Variants in OSBPL10 observed in about 807,000 individuals in gnomAD.
OSBPL10 encodes oxysterol binding protein like 10.
OSBPL10 carries 49 observed loss-of-function variants against 81.7 expected under a neutral mutation model. The observed-to-expected ratio is 0.60, with a 90% CI of 0.48 to 0.76. The LOEUF (loss-of-function observed/expected upper bound fraction) is 0.76. Among genes scored for constraint, OSBPL10 ranks in the 30% least tolerant of loss-of-function variants. OSBPL10 has a pLI of 0.00. For missense variants in OSBPL10, 923 were observed against 987.8 expected (o/e 0.93, Z 0.88); for synonymous variants, 419 against 383.6 (o/e 1.09, Z -1.08).
chr3:31,741,463 C>A (rs144104015), intron 5 of OSBPL10, among the ~76,000 whole-genome samples: 130 of 152,280 alleles, frequency 8.5e-4, no homozygotes, highest in African/African-American at 2.9e-3. Flanking sequence ...CAGAGTTCCA[C>A]CATGTTGGCC....
At chr3:31,918,513 G>A (rs575560888) in intron 1 of OSBPL10, among the ~76,000 whole-genome samples, 2 of 151,950 alleles carry the variant, frequency 1.3e-5, no homozygotes, top group South Asian at 4.2e-4. Flanking sequence ...GTTTGGAATG[G>A]AAAATCACCT....
intron 1 of OSBPL10, among the ~76,000 whole-genome samples, chr3:32,052,645 C>T (rs1193216983): frequency 6.6e-6 from 1 of 152,092 alleles, no homozygotes; most frequent in Non-Finnish European, 1.5e-5. Flanking sequence ...GAGTTCATGC[C>T]CTTTGCAGGG....
At chr3:31,975,429 T>A (rs1306902469) in intron 1 of OSBPL10, among the ~76,000 whole-genome samples, 2 of 152,176 alleles carry the variant, frequency 1.3e-5, no homozygotes, top group Non-Finnish European at 2.9e-5. Flanking sequence ...GCTTTAAAAA[T>A]TCATATATAC....
chr3:31,748,027 G>A lies in OSBPL10; in HGVS notation c.823C>T (p.Leu275=), dbSNP rs1697584954. The A allele has an allele frequency of 1.2e-6, 2 of 1,614,168 alleles. No homozygotes were observed. Among genetic ancestry groups the A allele is most frequent in the Non-Finnish European group, 1.7e-6 (2 of 1,180,028 alleles). Residue 275 remains leucine, a synonymous_variant, in exon 5 of 12, where the codon CTG becomes TTG. Coordinates refer to ENST00000396556, the MANE Select transcript of OSBPL10 (RefSeq NM_017784.5). The part of the protein sequence containing the change: ...SGPLTALDQD[L]LLLKATSAAT... Reference sequence around the variant, plus strand: ...GCAGAGGTAGCTTTCAGGAGCAGCAGGTCCTGGTCCAAGGCAGTGAGGGGG... The same window carrying A: ...GCAGAGGTAGCTTTCAGGAGCAGCAAGTCCTGGTCCAAGGCAGTGAGGGGG...
intron 7 of OSBPL10, among the ~76,000 whole-genome samples, chr3:31,688,283 TCACACACACACACACACACA>T (rs55643097): frequency 8.7e-6 from 1 of 115,408 alleles, no homozygotes; most frequent in Non-Finnish European, 1.8e-5. Flanking sequence ...TCTCTCTCTC[TCACACACACACACACACACA>T]CACACACACA....
intron 4 of OSBPL10, among the ~76,000 whole-genome samples, chr3:31,812,718 A>AAAAAAAAGAAAG (rs1699714823): frequency 4.3e-4 from 18 of 41,932 alleles, no homozygotes; most frequent in Admixed American, 8.9e-4. Context: ...TAGGCAAAAA[A>AAAAAAAAGAAAG]AAAGAAAGAA....
intron 4 of OSBPL10, among the ~76,000 whole-genome samples, chr3:31,829,139 G>A (rs1033647058): frequency 1.3e-5 from 2 of 152,110 alleles, no homozygotes; most frequent in Non-Finnish European, 2.9e-5. Flanking sequence ...GACCCTAGTC[G>A]AGGAGTCTCA....
At chr3:31,816,906 C>T (rs1290822761) in intron 4 of OSBPL10, among the ~76,000 whole-genome samples, 1 of 152,054 alleles carries the variant, frequency 6.6e-6, no homozygotes, top group Non-Finnish European at 1.5e-5. Context: ...GAGAATAGCT[C>T]CTCTCTGCAA....
Position 31,833,705 on chromosome 3 carries a change from G to GCACACACACACACA in OSBPL10, c.538-3488_538-3475dup, listed in dbSNP as rs10591808. 7.5e-4 allele frequency among the ~76,000 whole-genome samples: 104 copies of GCACACACACACACA among 138,036 alleles called. 1 individual carries two copies. In the East Asian group the frequency reaches 0.013, roughly 18 times the overall value. 90.6% of individuals were successfully genotyped at this position (138,036 alleles called of 152,430 possible). A position where few individuals can be genotyped will look rare whatever the true frequency, so the allele number is the denominator to read the frequency against. On this transcript the variant is annotated intron_variant, in intron 3 of 11. Coordinates refer to ENST00000396556, the MANE Select transcript of OSBPL10 (RefSeq NM_017784.5). ...GTAGGGAAAACACGCACACGCACAC[G>GCACACACACACACA]CACACACACACACACACACACACAC...
intron 3 of OSBPL10, among the ~76,000 whole-genome samples, chr3:31,831,559 G>C (rs1367269158): frequency 6.6e-6 from 1 of 152,036 alleles, no homozygotes; most frequent in Non-Finnish European, 1.5e-5. Flanking sequence ...TGTAGAGCTG[G>C]AAATAATTAT....
At chr3:31,734,076 C>T (rs1332342717) in intron 5 of OSBPL10, among the ~76,000 whole-genome samples, 2 of 152,016 alleles carry the variant, frequency 1.3e-5, no homozygotes, top group Non-Finnish European at 2.9e-5. Context: ...ATAGGCTGCT[C>T]AAAATGTGGT....
chr3:31,805,167 CA>C (rs1699490245), intron 4 of OSBPL10, among the ~76,000 whole-genome samples: 1 of 152,148 alleles, frequency 6.6e-6, no homozygotes, highest in South Asian at 2.1e-4. Context: ...CAAGCTTTTT[CA>C]CGGAAGGTAT....
intron 1 of OSBPL10, among the ~76,000 whole-genome samples, chr3:31,899,214 T>C (rs749599170): frequency 2.0e-4 from 30 of 152,110 alleles, no homozygotes; most frequent in Admixed American, 3.3e-4. Context: ...AGTGCTAGGA[T>C]TACAGGCGTA....
rs541667987 is a variant in OSBPL10, at chr3:31,989,872, A to G, written n.298+56619T>C. The G allele has an allele frequency of 1.5e-5, 24 of 1,614,184 alleles. 2 individuals are homozygous for G. The South Asian group carries it at 2.6e-4, about 18-fold the overall frequency. Reference sequence around the variant, plus strand: ...ACAATATAAATGTGATGTATGTGGCAAGGTCTTTAATCAGAAGCGATACCT... The same window carrying G: ...ACAATATAAATGTGATGTATGTGGCGAGGTCTTTAATCAGAAGCGATACCT... On this transcript the variant is annotated intron_variant and non_coding_transcript_variant, in intron 2 of 3. Coordinates refer to the OSBPL10 transcript ENST00000479173.
intron 2 of OSBPL10, among the ~76,000 whole-genome samples, chr3:32,027,030 T>C (rs990236727): frequency 1.3e-5 from 2 of 152,158 alleles, no homozygotes; most frequent in African/African-American, 4.8e-5. Context: ...ACTTTTTTTT[T>C]CTTTTTTTTA....
Position 31,728,336 on chromosome 3 carries a change from C to T in OSBPL10, c.1095+4921G>A, listed in dbSNP as rs1696872350. On this transcript the variant is annotated intron_variant, in intron 6 of 11. Coordinates refer to ENST00000396556, the MANE Select transcript of OSBPL10 (RefSeq NM_017784.5). ...TGACAGTATGCTATTGAGGAACAGG[C>T]TTAAAAACCCTCTGCTTAGTCTCCA... is the stretch of plus-strand genomic sequence containing the variant. 2.0e-5 allele frequency among the ~76,000 whole-genome samples: 3 copies of T among 152,150 alleles called. No homozygotes were observed. The East Asian group carries it at 5.8e-4, about 29-fold the overall frequency.
rs72859640 is a variant in OSBPL10, at chr3:31,753,072, T to G, written c.730-4952A>C. 4.4e-3 allele frequency among the ~76,000 whole-genome samples: 675 copies of G among 152,260 alleles called. 4 individuals carry two copies. The highest frequency in any genetic ancestry group is 0.015 in the African/African-American group (633 of 41,550). ...GCATTTCTCTTCAGTCTGGTGGAAT[T>G]CCTGAGTCCCTGCTAAGTTCCCCTC... is the stretch of plus-strand genomic sequence containing the variant. On this transcript the variant is annotated intron_variant, in intron 4 of 11. Coordinates refer to ENST00000396556, the MANE Select transcript of OSBPL10 (RefSeq NM_017784.5).
At chr3:31,689,565 C>T (rs578130800) in intron 7 of OSBPL10, among the ~76,000 whole-genome samples, 8 of 152,102 alleles carry the variant, frequency 5.3e-5, no homozygotes, top group African/African-American at 1.9e-4. Flanking sequence ...CAAATTTCAT[C>T]TTGAGTTGTA....
chr3:31,967,359 A>G (rs1182191104), intron 1 of OSBPL10, among the ~76,000 whole-genome samples: 1 of 152,120 alleles, frequency 6.6e-6, no homozygotes, highest in African/African-American at 2.4e-5. Context: ...GGCCTGTAGT[A>G]GCCCCAGCCA....
Sources: gnomAD v4.1 joint callset for allele counts (sites outside exome capture counted in the v4.1 genomes callset) on GRCh38, gnomAD v4.1.1 for gene constraint, MANE v1.5 for transcripts, NCBI Gene and HGNC (gene_info 2026-07-23, HGNC 2026-07-21) for gene names.